GALNT17: variants seen among roughly 807,000 people sequenced by gnomAD.
GALNT17 encodes polypeptide N-acetylgalactosaminyltransferase 17.
Under a neutral mutation model 63.7 loss-of-function variants are expected in GALNT17, and 29 were observed. That is an observed-to-expected ratio of 0.46 (90% CI 0.34 to 0.62). The LOEUF (loss-of-function observed/expected upper bound fraction) is 0.62. GALNT17 is among the 20% of genes least tolerant of loss of function. GALNT17 has a pLI of 0.01. For synonymous variants in GALNT17, 305 were observed against 318.3 expected (o/e 0.96, Z 0.45); for missense variants, 603 against 799.6 (o/e 0.75, Z 2.97).
intron 1 of GALNT17, among the ~76,000 whole-genome samples, chr7:71,261,794 G>A (rs1229555602): frequency 1.3e-5 from 2 of 152,172 alleles, no homozygotes; most frequent in African/African-American, 4.8e-5. Flanking sequence ...TCAGCTTTTT[G>A]CACGTGTACT....
At chr7:71,292,879 C>T (rs1392067398) in intron 1 of GALNT17, among the ~76,000 whole-genome samples, 1 of 152,162 alleles carries the variant, frequency 6.6e-6, no homozygotes, top group Non-Finnish European at 1.5e-5. Flanking sequence ...CCCCCATCCT[C>T]TGGAAATTAG....
chr7:71,454,269 T>C (rs894502840), intron 5 of GALNT17, among the ~76,000 whole-genome samples: 1 of 152,170 alleles, frequency 6.6e-6, no homozygotes, highest in Non-Finnish European at 1.5e-5. Context: ...TTCCTCTCCC[T>C]GTGTCCATGT....
chr7:71,240,676 C>T (rs6974927), intron 1 of GALNT17, among the ~76,000 whole-genome samples: 59,532 of 136,366 alleles, frequency 0.44, 12,653 homozygotes, highest in East Asian at 0.67. Context: ...TCTTTTTTTC[C>T]TTTTTTTTGA....
intron 9 of GALNT17, among the ~76,000 whole-genome samples, chr7:71,679,529 C>T (rs957534482): frequency 6.6e-6 from 1 of 152,190 alleles, no homozygotes; most frequent in Non-Finnish European, 1.5e-5. Flanking sequence ...GCTCCCAAAT[C>T]GTTTACCCTT....
intron 5 of GALNT17, among the ~76,000 whole-genome samples, chr7:71,466,449 C>A (rs1787537123): frequency 6.6e-6 from 1 of 152,146 alleles, no homozygotes; most frequent in African/African-American, 2.4e-5. Context: ...AGAGAGCAGA[C>A]CTGGAAAGAA....
chr7:71,186,347 G>T (rs1788850994), intron 1 of GALNT17, among the ~76,000 whole-genome samples: 2 of 152,294 alleles, frequency 1.3e-5, no homozygotes, highest in Admixed American at 6.5e-5. Flanking sequence ...TGGGGGTTTG[G>T]ACTGCTGCTA....
intron 1 of GALNT17, among the ~76,000 whole-genome samples, chr7:71,141,495 C>T (rs1787890864): frequency 6.6e-6 from 1 of 151,842 alleles, no homozygotes; most frequent in African/African-American, 2.4e-5. Context: ...TGTCATATGT[C>T]AGGATGACTT....
intron 1 of GALNT17, among the ~76,000 whole-genome samples, chr7:71,165,569 C>A (rs1407418962): frequency 6.6e-6 from 1 of 152,170 alleles, no homozygotes. Context: ...CCGGAAAGAT[C>A]TGCCCCCATG....
chr7:71,592,901 C>T (rs143577294), intron 6 of GALNT17, among the ~76,000 whole-genome samples: 2,617 of 152,250 alleles, frequency 0.017, 45 homozygotes, highest in Middle Eastern at 0.027. Flanking sequence ...AATCCCAGTG[C>T]TTTGGGAGGG....
intron 1 of GALNT17, among the ~76,000 whole-genome samples, chr7:71,198,799 C>T (rs1319820392): frequency 6.6e-6 from 1 of 152,170 alleles, no homozygotes; most frequent in Admixed American, 6.5e-5. Flanking sequence ...GTATTTTGCT[C>T]CTCTCTCTCC....
In GALNT17 at chr7:71,695,562, T is replaced by TA. The variant is rs547244566; in HGVS notation, c.1501-15196dup. 5.5e-4 allele frequency among the ~76,000 whole-genome samples: 84 copies of TA among 152,276 alleles called. 3 individuals are homozygous for TA. The South Asian group carries it at 0.015, about 27-fold the overall frequency. On this transcript the variant is annotated intron_variant, in intron 9 of 10. Coordinates refer to ENST00000333538, the MANE Select transcript of GALNT17 (RefSeq NM_022479.3). The stretch of plus-strand genomic sequence containing the variant: ...GGTAAATAAATACACTGCATCTATT[T>TA]AAAGTGTGCAATCTGATGAGTTTTG...
At chr7:71,636,690 G>T (rs1289872428) in intron 6 of GALNT17, among the ~76,000 whole-genome samples, 1 of 152,176 alleles carries the variant, frequency 6.6e-6, no homozygotes, top group Non-Finnish European at 1.5e-5. Context: ...ACCAGTTTAG[G>T]TTTGAGGACA....
At chr7:71,704,138 G>T (rs577697456) in intron 9 of GALNT17, among the ~76,000 whole-genome samples, 1 of 152,112 alleles carries the variant, frequency 6.6e-6, no homozygotes, top group Non-Finnish European at 1.5e-5. Context: ...AAGGAGACCC[G>T]TAAAACCTGT....
chr7:71,432,316 C>A (rs1213415806), intron 5 of GALNT17, among the ~76,000 whole-genome samples: 1 of 152,164 alleles, frequency 6.6e-6, no homozygotes, highest in Non-Finnish European at 1.5e-5. Context: ...TCAAGTCCTG[C>A]CAATCAGGAA....
At chr7:71,159,012 C>T (rs927752766) in intron 1 of GALNT17, among the ~76,000 whole-genome samples, 1 of 151,746 alleles carries the variant, frequency 6.6e-6, no homozygotes, top group Non-Finnish European at 1.5e-5. Context: ...CTGGTGTTTC[C>T]TATATCAGCT....
intron 1 of GALNT17, among the ~76,000 whole-genome samples, chr7:71,242,899 G>A (rs1318579123): frequency 6.6e-6 from 1 of 152,228 alleles, no homozygotes; most frequent in African/African-American, 2.4e-5. Flanking sequence ...CATTGCAGGT[G>A]TACTTTACCT....
At chr7:71,668,977 A>G (rs1202607148) in intron 7 of GALNT17, among the ~76,000 whole-genome samples, 2 of 152,228 alleles carry the variant, frequency 1.3e-5, no homozygotes, top group African/African-American at 4.8e-5. Flanking sequence ...GGTTGTAGGC[A>G]TTTATTTTCT....
At chr7:71,413,348 G>A (rs888936386) in intron 3 of GALNT17, among the ~76,000 whole-genome samples, 1 of 151,912 alleles carries the variant, frequency 6.6e-6, no homozygotes, top group East Asian at 1.9e-4. Context: ...TTATAATATT[G>A]AATATTATAA....
chr7:71,347,281 G>T (rs1792113113), intron 2 of GALNT17, among the ~76,000 whole-genome samples: 1 of 152,168 alleles, frequency 6.6e-6, no homozygotes. Flanking sequence ...TCTCAGCTTT[G>T]TCCCTTTCTA....
Sources: allele counts gnomAD v4.1 joint callset (sites outside exome capture counted in the v4.1 genomes callset), GRCh38; gene constraint gnomAD v4.1.1; transcripts MANE v1.5; gene names NCBI Gene and HGNC (gene_info 2026-07-23, HGNC 2026-07-21).